The following AFF2 variants were observed in gnomAD, a reference collection of about 807,000 sequenced individuals.
AFF2 encodes the protein ALF transcription elongation factor 2, also known as AF4/FMR2 family member 2.
In AFF2, 14 loss-of-function variants were observed where a neutral mutation model predicts 76.9. That is an observed-to-expected ratio of 0.18 (90% confidence interval 0.12 to 0.28). AFF2 has a LOEUF of 0.28. AFF2 is among the 10% of genes least tolerant of loss of function. The pLI, the probability that AFF2 is intolerant of heterozygous loss-of-function variation, is 1.00. For synonymous variants in AFF2, 398 were observed against 366.7 expected (o/e 1.09, Z -0.98); for missense variants, 868 against 1,001.1 (o/e 0.87, Z 1.79).
At chrX:148,747,071 T>C (rs896184038) in intron 3 of AFF2, among the ~76,000 whole-genome samples, 3 of 112,093 alleles carry the variant, frequency 2.7e-5, no homozygotes, top group African/African-American at 9.7e-5. Context: ...GATTTCTACA[T>C]GAAGCTCTCC....
intron 1 of AFF2, among the ~76,000 whole-genome samples, chrX:148,524,133 G>C (rs1185806300): frequency 1.2e-4 from 13 of 106,729 alleles, no homozygotes; most frequent in Non-Finnish European, 2.5e-4. Context: ...CTGTGTGTGT[G>C]TGTGTGTGTG....
chrX:148,893,649 G>T (rs781810917), intron 8 of AFF2, among the ~76,000 whole-genome samples: 1 of 111,999 alleles, frequency 8.9e-6, no homozygotes, highest in South Asian at 3.7e-4. Context: ...AGGGTATGTT[G>T]TTTGCCCCAA....
chrX:148,949,107 GCCTCTCC>G (rs782757907), intron 9 of AFF2, among the ~76,000 whole-genome samples: 50 of 110,635 alleles, frequency 4.5e-4, no homozygotes, highest in Non-Finnish European at 8.3e-4. Flanking sequence ...CAGTATATGT[GCCTCTCC>G]CCCCATCCCC....
intron 8 of AFF2, among the ~76,000 whole-genome samples, chrX:148,891,302 G>A (rs782144975): frequency 1.1e-4 from 12 of 110,970 alleles, no homozygotes; most frequent in South Asian, 7.9e-4. Flanking sequence ...CATTTTTCTC[G>A]GGGTTAAAGG....
At chrX:148,511,634 C>T (rs2052483179) in intron 1 of AFF2, among the ~76,000 whole-genome samples, 1 of 112,325 alleles carries the variant, frequency 8.9e-6, no homozygotes, top group African/African-American at 3.2e-5. Context: ...CAAACATCAC[C>T]TCATTGAACA....
chrX:148,755,602 T>G (rs181990296), intron 3 of AFF2, among the ~76,000 whole-genome samples: 29 of 112,366 alleles, frequency 2.6e-4, no homozygotes, highest in African/African-American at 8.7e-4. Context: ...TGACAGTATC[T>G]TATTCTTCAG....
In AFF2 at chrX:148,998,607, G is replaced by C. The variant is rs1357996048; in HGVS notation, c.*7275G>C. On this transcript the variant is annotated 3_prime_UTR_variant, in exon 21 of 21. Transcript: ENST00000370460. ...GGAGTGGTTGCAGGCAGATGAGACAGTGTTATATCAGGATTTTTCAATCAA... is the reference window on the plus strand; with the variant it reads ...GGAGTGGTTGCAGGCAGATGAGACACTGTTATATCAGGATTTTTCAATCAA... 1 of 111,784 alleles carries C rather than the reference G, an allele frequency of 8.9e-6. No individual in the cohort carries two copies. The highest frequency in any genetic ancestry group is 1.9e-5 in the Non-Finnish European group (1 of 53,119). 9.2% of individuals were successfully genotyped at this position (111,784 alleles called of 1,213,427 possible).
intron 9 of AFF2, among the ~76,000 whole-genome samples, chrX:148,925,449 T>C (rs782625660): frequency 1.4e-4 from 16 of 112,580 alleles, no homozygotes; most frequent in Non-Finnish European, 2.4e-4. Context: ...GTGTTACAGG[T>C]ACACTTGTCC....
chrX:148,861,922 C>T (rs1040340971), intron 7 of AFF2, among the ~76,000 whole-genome samples: 2 of 110,647 alleles, frequency 1.8e-5, no homozygotes, highest in Non-Finnish European at 3.8e-5. Context: ...GAAATTCCAC[C>T]AACTTTCACC....
At chrX:148,632,754 G>T (rs192114517) in intron 1 of AFF2, among the ~76,000 whole-genome samples, 39 of 111,795 alleles carry the variant, frequency 3.5e-4, no homozygotes, top group African/African-American at 1.2e-3. Context: ...TGTAATCATA[G>T]AATCCCAGAA....
At chrX:148,581,146 T>TATACATATACGTATACAC (rs2053368327) in intron 1 of AFF2, among the ~76,000 whole-genome samples, 3 of 73,318 alleles carry the variant, frequency 4.1e-5, no homozygotes, top group African/African-American at 8.7e-5. Context: ...TATACACACA[T>TATACATATACGTATACAC]ATACATATAC....
At chrX:148,543,335 T>G (rs2052882135) in intron 1 of AFF2, among the ~76,000 whole-genome samples, 1 of 111,883 alleles carries the variant, frequency 8.9e-6, no homozygotes, top group Non-Finnish European at 1.9e-5. Context: ...TTCTTTTGCC[T>G]TACTTTTACA....
intron 1 of AFF2, among the ~76,000 whole-genome samples, chrX:148,508,590 T>A (rs2052449420): frequency 8.9e-6 from 1 of 111,844 alleles, no homozygotes; most frequent in Non-Finnish European, 1.9e-5. Flanking sequence ...CATGACAACC[T>A]GACTATCTGT....
rs182398708 is a variant in AFF2 at position 148,523,643 on chromosome X, T to C, written c.47+22499T>C. On this transcript the variant is annotated intron_variant, in intron 1 of 20. Coordinates refer to ENST00000370460, the MANE Select transcript of AFF2 (RefSeq NM_002025.4). The stretch of plus-strand genomic sequence containing the variant: ...ACAAAGCCTGCTTTGTTTGATTTCA[T>C]GCAAAAAAATTTAGAATGCCTGTTC... Among the ~76,000 whole-genome samples, 413 of 112,675 alleles carry C rather than the reference T, an allele frequency of 3.7e-3. 3 individuals are homozygous for C. Among genetic ancestry groups the C allele is most frequent in the African/African-American group, 0.013 (399 of 31,084 alleles).
intron 1 of AFF2, among the ~76,000 whole-genome samples, chrX:148,630,018 GA>G (rs1324374478): frequency 9.0e-6 from 1 of 111,630 alleles, no homozygotes; most frequent in African/African-American, 3.3e-5. Context: ...ACTGTCCACA[GA>G]ACAGCGTTGT....
intron 3 of AFF2, among the ~76,000 whole-genome samples, chrX:148,802,982 C>T (rs910323626): frequency 9.0e-6 from 1 of 111,380 alleles, no homozygotes; most frequent in Non-Finnish European, 1.9e-5. Flanking sequence ...TTATTATGCA[C>T]CTGCACACAA....
At chrX:148,936,310 CT>C (rs1484840932) in intron 9 of AFF2, among the ~76,000 whole-genome samples, 1 of 112,170 alleles carries the variant, frequency 8.9e-6, no homozygotes, top group Non-Finnish European at 1.9e-5. Context: ...TTTACTTTGG[CT>C]GATACCCACT....
intron 3 of AFF2, among the ~76,000 whole-genome samples, chrX:148,793,843 C>A (rs1429222964): frequency 9.0e-6 from 1 of 111,625 alleles, no homozygotes; most frequent in African/African-American, 3.3e-5. Flanking sequence ...AGTATATAAT[C>A]CCCGGGGCCT....
Position 148,980,797 on chromosome X carries a change from A to T in AFF2, c.3623+7A>T. ...CATGGGTAAGCAATGGAAAGTAAGT[A>T]TTTTCTGAAAATTGCTTTTTCGTGA... is the stretch of plus-strand genomic sequence containing the variant. On this transcript the variant is annotated splice_region_variant and intron_variant, in intron 19 of 20. Coordinates refer to ENST00000370460, the MANE Select transcript of AFF2 (RefSeq NM_002025.4). 1 of 1,180,669 alleles carries T rather than the reference A, an allele frequency of 8.5e-7. No homozygotes were observed. The highest frequency in any genetic ancestry group is 1.8e-5 in the South Asian group (1 of 54,481).
Sources: gnomAD v4.1 joint callset for allele counts (sites outside exome capture counted in the v4.1 genomes callset) on GRCh38, gnomAD v4.1.1 for gene constraint, MANE v1.5 for transcripts, NCBI Gene and HGNC (gene_info 2026-07-23, HGNC 2026-07-21) for gene names.